AGGF1: variants seen among roughly 807,000 people sequenced by gnomAD.
AGGF1 encodes the protein angiogenic factor with G-patch and FHA domains 1, also known as angiogenic factor with G patch and FHA domains 1.
In AGGF1, 56 loss-of-function variants were observed where a neutral mutation model predicts 86.5. The ratio of observed to expected loss-of-function variants is 0.65; its 90% CI spans 0.52 to 0.81. The LOEUF (loss-of-function observed/expected upper bound fraction) is 0.81. AGGF1 is among the 30% of genes least tolerant of loss of function. The pLI, the probability that AGGF1 is intolerant of heterozygous loss-of-function variation, is 0.00. For missense variants in AGGF1, 816 were observed against 850.9 expected, an observed-to-expected ratio of 0.96 and a Z score of 0.51; for synonymous variants, 313 against 297.1, an observed-to-expected ratio of 1.05 and a Z score of -0.55.
chr5:77,043,730 C>T (rs1051397013), intron 5 of AGGF1, among the ~76,000 whole-genome samples: 3 of 137,378 alleles, frequency 2.2e-5, no homozygotes, highest in African/African-American at 7.9e-5. Context: ...GGAGACGCTC[C>T]TCACTTCCCA....
chr5:77,035,974 A>ACAT, intron 3 of AGGF1: 1 of 463,718 alleles, frequency 2.2e-6, no homozygotes, highest in South Asian at 2.6e-5. Context: ...TTTGTGATCT[A>ACAT]CATAAACTAA....
chr5:77,041,087 G>A (rs979559730), intron 5 of AGGF1, among the ~76,000 whole-genome samples: 3 of 150,318 alleles, frequency 2.0e-5, no homozygotes, highest in Non-Finnish European at 4.4e-5. Context: ...GTTCACATAA[G>A]GAATTAGGAT....
At chr5:77,043,796 G>T (rs1407912438) in intron 5 of AGGF1, among the ~76,000 whole-genome samples, 2 of 117,856 alleles carry the variant, frequency 1.7e-5, no homozygotes, top group Non-Finnish European at 3.8e-5. Flanking sequence ...GGCAGCTGCC[G>T]GGCGGAGGGG....
In AGGF1 at chr5:77,040,190, C is replaced by G. The variant is rs184324075; in HGVS notation, c.870+471C>G. 5.9e-5 allele frequency among the ~76,000 whole-genome samples: 9 copies of G among 151,450 alleles called. No individual in the cohort carries two copies. The East Asian group carries it at 1.6e-3, about 26-fold the overall frequency. ...ATGGCGTGATCTCAGCTCACCGCAA[C>G]CTCCGCCTCCCAGGTTCAAGTGATT... On this transcript the variant is annotated intron_variant, in intron 5 of 13. Transcript: ENST00000312916.
rs1383814406 is a variant in AGGF1 at position 77,039,607 on chromosome 5, A to G, written c.758A>G (p.His253Arg). The change falls in exon 5 of 14, where the codon CAT (histidine) becomes CGT (arginine). Residue 253 changes from histidine to arginine, a missense_variant. Physicochemically the swap from His to Arg is conservative, Grantham distance 29 (BLOSUM62 0). Transcript: ENST00000312916. ...CDVESGRYQF[H>R]SRVDLQPYPT... Reference sequence around the variant, plus strand: ...GTGGAAAGTGGTCGTTATCAGTTTCATTCTCGAGTAGATTTGCAACCTTAT... The same window carrying G: ...GTGGAAAGTGGTCGTTATCAGTTTCGTTCTCGAGTAGATTTGCAACCTTAT... 1 of 1,613,146 alleles carries G rather than the reference A, an allele frequency of 6.2e-7. No individual in the cohort carries two copies. Among genetic ancestry groups the G allele is most frequent in the African/African-American group, 1.3e-5 (1 of 74,896 alleles).
Position 77,065,194 on chromosome 5 carries a change from C to G in AGGF1, c.*1942C>G, listed in dbSNP as rs1022973454. 6.6e-6 allele frequency: 1 copy of G among 152,158 alleles called. No individual in the cohort carries two copies. Among genetic ancestry groups the G allele is most frequent in the Non-Finnish European group, 1.5e-5 (1 of 68,018 alleles). The allele number at this position is 152,158 out of a possible 1,614,324, so 9.4% of individuals were successfully genotyped here. A position where few individuals can be genotyped will look rare whatever the true frequency, so the allele number is the denominator to read the frequency against. ...TAGAAGCATAAATGTGAATTATATA[C>G]AGTTTGAATTTTGCATAAATTTTTT... On this transcript the variant is annotated 3_prime_UTR_variant, in exon 14 of 14. Coordinates refer to ENST00000312916, the MANE Select transcript of AGGF1 (RefSeq NM_018046.5).
chr5:77,045,064 CA>C (rs11355114), intron 5 of AGGF1, among the ~76,000 whole-genome samples: 17,496 of 86,386 alleles, frequency 0.2, 932 homozygotes, highest in East Asian at 0.37. Flanking sequence ...GACTCCGTCT[CA>C]AAAAAAAAAA....
chr5:77,048,055 A>G (rs1747302912), intron 6 of AGGF1, 106 bp from the exon 7 acceptor site: 2 of 797,352 alleles, frequency 2.5e-6, no homozygotes, highest in African/African-American at 1.7e-5. Context: ...CAGAATTAAG[A>G]TTTTTGACCA....
Position 77,063,365 on chromosome 5 carries a change from T to G in AGGF1, c.*113T>G. 8.9e-7 allele frequency: 1 copy of G among 1,118,820 alleles called. No individual in the cohort carries two copies. The highest frequency in any genetic ancestry group is 1.4e-5 in the South Asian group (1 of 69,300). 69.3% of individuals were successfully genotyped at this position (1,118,820 alleles called of 1,614,324 possible). On this transcript the variant is annotated 3_prime_UTR_variant, in exon 14 of 14. Transcript: ENST00000312916. ...GGGGAACTATGTCACAGTTTACCTC[T>G]TCCTGATTCAGAAATGTGTATGGTT...
Position 77,061,800 on chromosome 5 carries a change from C to T in AGGF1, c.1942C>T (p.Pro648Ser). Residue 648 changes from proline to serine, a missense_variant and splice_region_variant, in exon 13 of 14, where the codon CCG becomes TCG. Coordinates refer to ENST00000312916, the MANE Select transcript of AGGF1 (RefSeq NM_018046.5). ...GAAGGATGGTGGAGGAATGAAAACG[C>T]CGGTAAGACTTGGATTTTCTTTTAT... ...LGKDGGGMKT[P>S]IQLQLRRTHA... The T allele has an allele frequency of 6.2e-7, 1 of 1,610,396 alleles. No individual in the cohort carries two copies. The highest frequency in any genetic ancestry group is 1.7e-5 in the Admixed American group (1 of 59,980).
Position 77,039,607 on chromosome 5 carries a change from A to C in AGGF1, c.758A>C (p.His253Pro). 6.2e-7 allele frequency: 1 copy of C among 1,613,264 alleles called. No homozygotes were observed. Among genetic ancestry groups the C allele is most frequent in the Non-Finnish European group, 8.5e-7 (1 of 1,179,536 alleles). Residue 253 changes from histidine (H) to proline (P), a missense_variant, in exon 5 of 14, where the codon CAT becomes CCT. Transcript: ENST00000312916. ...GTGGAAAGTGGTCGTTATCAGTTTC[A>C]TTCTCGAGTAGATTTGCAACCTTAT... ...CDVESGRYQF[H>P]SRVDLQPYPT...
chr5:77,048,420 C>T (rs1423218154), intron 7 of AGGF1, 148 bp downstream of exon 7: 20 of 646,968 alleles, frequency 3.1e-5, no homozygotes, highest in South Asian at 5.8e-5. Flanking sequence ...GGCACGATCT[C>T]GGCTCATTGC....
chr5:77,052,482 T>A (rs1004998542), intron 8 of AGGF1, among the ~76,000 whole-genome samples: 8 of 152,224 alleles, frequency 5.3e-5, no homozygotes, highest in African/African-American at 1.9e-4. Flanking sequence ...TAGGACATAT[T>A]CTAAATTTTT....
chr5:77,059,829 T>G (rs927324180), intron 12 of AGGF1, 86 bp downstream of exon 12: 10 of 1,526,258 alleles, frequency 6.6e-6, no homozygotes, highest in African/African-American at 5.5e-5. Context: ...CTATATATCC[T>G]GATAGGTGGC....
chr5:77,033,288 A>C (rs1720257790), intron 1 of AGGF1, among the ~76,000 whole-genome samples: 1 of 152,244 alleles, frequency 6.6e-6, no homozygotes, highest in African/African-American at 2.4e-5. Flanking sequence ...AAGACCCCAA[A>C]ATAGCCTTGT....
At chr5:77,035,239 A>G (rs942326690) in intron 2 of AGGF1, among the ~76,000 whole-genome samples, 3 of 152,184 alleles carry the variant, frequency 2.0e-5, no homozygotes, top group Non-Finnish European at 4.4e-5. Context: ...TTTAAATAGA[A>G]CACAACCTAT....
chr5:77,034,034 C>T lies in AGGF1; in HGVS notation c.211-384C>T, dbSNP rs144931251. Among the ~76,000 whole-genome samples, 106 of 152,222 alleles carry T rather than the reference C, an allele frequency of 7.0e-4. 1 individual carries two copies. The South Asian group carries it at 0.014, about 20-fold the overall frequency. ...AACATATTCAGGTGGATAGTTAATT[C>T]CCAGTGGAGAATACCAAATGAGTAT... On this transcript the variant is annotated intron_variant, in intron 1 of 13. Coordinates refer to ENST00000312916, the MANE Select transcript of AGGF1 (RefSeq NM_018046.5).
At position 77,034,418 on chromosome 5, in the gene AGGF1, GT is replaced by G; in HGVS notation, c.212del (p.Val71GlyfsTer21). ...TTCCTAAAGCCTTGTTTTCTCTCAGGTGGAAGAACTCAGTAAAATACTCCAA... is the reference window on the plus strand; with the variant it reads ...TTCCTAAAGCCTTGTTTTCTCTCAGGGGAAGAACTCAGTAAAATACTCCAA... ...ESNNQELRTQ[V>X]EELSKILQRG... On this transcript the variant is annotated frameshift_variant and splice_region_variant, in exon 2 of 14. Coordinates refer to ENST00000312916, the MANE Select transcript of AGGF1 (RefSeq NM_018046.5). LOFTEE classifies it high-confidence loss of function. 1 of 1,600,120 alleles carries G rather than the reference GT, an allele frequency of 6.2e-7. No individual in the cohort carries two copies. The highest frequency in any genetic ancestry group is 8.6e-7 in the Non-Finnish European group (1 of 1,167,518).
At chr5:77,037,006 C>T (rs1746982122) in intron 4 of AGGF1, among the ~76,000 whole-genome samples, 1 of 152,130 alleles carries the variant, frequency 6.6e-6, no homozygotes, top group South Asian at 2.1e-4. Context: ...TACTCAGTGC[C>T]TGATATCAAA....
Sources: allele counts gnomAD v4.1 joint callset (sites outside exome capture counted in the v4.1 genomes callset), GRCh38; gene constraint gnomAD v4.1.1; transcripts MANE v1.5; gene names NCBI Gene and HGNC (gene_info 2026-07-23, HGNC 2026-07-21).